Variants in KIAA1328 observed in about 807,000 individuals in gnomAD.
KIAA1328 encodes the protein KIAA1328.
A neutral mutation model predicts 68.1 loss-of-function variants in KIAA1328; 52 were observed. That is an observed-to-expected ratio of 0.76 (90% CI 0.61 to 0.96). The LOEUF (loss-of-function observed/expected upper bound fraction) is 0.96, where lower values mean the gene tolerates loss of function less well. Ranked by LOEUF, KIAA1328 falls within the 40% of genes least tolerant of loss-of-function variation. The pLI is 0.00. For synonymous variants in KIAA1328, 232 were observed against 239.4 expected (o/e 0.97, Z 0.28); for missense variants, 641 against 677.6 (o/e 0.95, Z 0.60).
intron 4 of KIAA1328, among the ~76,000 whole-genome samples, chr18:36,872,750 C>T (rs1215200566): frequency 6.6e-6 from 1 of 152,140 alleles, no homozygotes; most frequent in Non-Finnish European, 1.5e-5. Context: ...ACAACAGACA[C>T]CGGTGCAGTT....
intron 5 of KIAA1328, among the ~76,000 whole-genome samples, chr18:36,927,803 G>C (rs1016563461): frequency 6.6e-6 from 1 of 150,854 alleles, no homozygotes; most frequent in African/African-American, 2.4e-5. Context: ...GTGGAAGGAA[G>C]AGAGAGAGAG....
At chr18:37,190,514 C>T (rs551982653) in intron 9 of KIAA1328, among the ~76,000 whole-genome samples, 6 of 152,190 alleles carry the variant, frequency 3.9e-5, no homozygotes, top group South Asian at 2.1e-4. Flanking sequence ...GAGGATGCTG[C>T]GCGAGTTTTC....
rs80223902 is a variant in KIAA1328, at chr18:36,963,877, G to A, written c.576+4442G>A. On this transcript the variant is annotated intron_variant, in intron 6 of 9. Coordinates refer to ENST00000280020, the MANE Select transcript of KIAA1328 (RefSeq NM_020776.3). ...TTTGTACACTCAGAGCCTAACATAG[G>A]TCTTGGCTTAAGAAATATTTCTTTT... Among the ~76,000 whole-genome samples, 10 of 152,238 alleles carry A rather than the reference G, an allele frequency of 6.6e-5. No individual in the cohort carries two copies. The East Asian group carries it at 1.9e-3, about 29-fold the overall frequency.
intron 7 of KIAA1328, among the ~76,000 whole-genome samples, chr18:37,122,736 G>T (rs1415821426): frequency 1.3e-5 from 2 of 151,854 alleles, no homozygotes; most frequent in Admixed American, 6.6e-5. Flanking sequence ...AGGTGAGATG[G>T]TCTGCTTACT....
At chr18:36,896,605 C>T (rs143692933) in intron 5 of KIAA1328, among the ~76,000 whole-genome samples, 20 of 152,226 alleles carry the variant, frequency 1.3e-4, no homozygotes, top group African/African-American at 4.1e-4. Flanking sequence ...TTATTTGCTG[C>T]ATCTTTGTTT....
intron 7 of KIAA1328, among the ~76,000 whole-genome samples, chr18:37,149,776 G>C (rs1021298099): frequency 6.6e-6 from 1 of 151,978 alleles, no homozygotes; most frequent in Non-Finnish European, 1.5e-5. Flanking sequence ...CTACTCTTTG[G>C]TAAGTCATGC....
intron 6 of KIAA1328, among the ~76,000 whole-genome samples, chr18:36,977,310 G>T (rs777204814): frequency 3.9e-5 from 6 of 152,186 alleles, no homozygotes; most frequent in Non-Finnish European, 7.3e-5. Flanking sequence ...AGTTCTTCCA[G>T]ACTGAGTCAG....
chr18:37,118,779 T>C (rs1366022091), intron 7 of KIAA1328, among the ~76,000 whole-genome samples: 2 of 152,186 alleles, frequency 1.3e-5, no homozygotes, highest in Non-Finnish European at 2.9e-5. Flanking sequence ...GCAGGTCAGC[T>C]GGGGAAATGG....
chr18:37,096,947 T>A (rs1218150308), intron 7 of KIAA1328, among the ~76,000 whole-genome samples: 2 of 152,232 alleles, frequency 1.3e-5, no homozygotes, highest in African/African-American at 2.4e-5. Context: ...TAAATTAGTT[T>A]GAGTTCATTG....
At chr18:36,948,829 G>T (rs1383895951) in intron 5 of KIAA1328, among the ~76,000 whole-genome samples, 1 of 152,218 alleles carries the variant, frequency 6.6e-6, no homozygotes, top group Non-Finnish European at 1.5e-5. Flanking sequence ...GATTACAGGC[G>T]TAAGCCACTG....
chr18:36,842,468 A>G (rs998928399), intron 3 of KIAA1328, among the ~76,000 whole-genome samples: 2 of 151,992 alleles, frequency 1.3e-5, no homozygotes, highest in African/African-American at 4.8e-5. Context: ...GGCGAAGGAG[A>G]AATGGTGTTT....
In KIAA1328 at chr18:37,224,425, TCAAC is replaced by T; in HGVS notation, c.*2202_*2205del. 4 of 985,402 alleles carry T rather than the reference TCAAC, an allele frequency of 4.1e-6. No homozygotes were observed. Among genetic ancestry groups the T allele is most frequent in the Non-Finnish European group, 4.8e-6 (4 of 829,926 alleles). 61.0% of individuals were successfully genotyped at this position (985,402 alleles called of 1,614,324 possible). ...GCAGAGATGGGCTTTCAGCAGAATA[TCAAC>T]CAATACATTTTTCACATGCAAAACT... On this transcript the variant is annotated 3_prime_UTR_variant, in exon 10 of 10. Coordinates refer to ENST00000280020, the MANE Select transcript of KIAA1328 (RefSeq NM_020776.3).
intron 5 of KIAA1328, among the ~76,000 whole-genome samples, chr18:36,958,285 A>G (rs1164341964): frequency 1.3e-5 from 2 of 152,164 alleles, no homozygotes; most frequent in African/African-American, 2.4e-5. Context: ...GTGTGTACAT[A>G]TGTTTTTTAA....
chr18:37,156,303 G>A (rs577677970), intron 7 of KIAA1328, among the ~76,000 whole-genome samples: 4 of 151,926 alleles, frequency 2.6e-5, no homozygotes, highest in Non-Finnish European at 5.9e-5. Flanking sequence ...TTGCATGCCT[G>A]TAATCCCAGC....
At chr18:37,121,464 A>G (rs1315333645) in intron 7 of KIAA1328, among the ~76,000 whole-genome samples, 1 of 151,650 alleles carries the variant, frequency 6.6e-6, no homozygotes, top group African/African-American at 2.4e-5. Flanking sequence ...CTATCTATGC[A>G]TCTATCGATC....
At chr18:36,919,328 C>A (rs1173881023) in intron 5 of KIAA1328, among the ~76,000 whole-genome samples, 3 of 152,126 alleles carry the variant, frequency 2.0e-5, no homozygotes, top group Non-Finnish European at 4.4e-5. Context: ...CTCTTATAGA[C>A]AGCATATAGT....
chr18:36,847,594 C>A (rs892484264), intron 4 of KIAA1328, among the ~76,000 whole-genome samples: 10 of 151,412 alleles, frequency 6.6e-5, no homozygotes, highest in African/African-American at 2.4e-4. Flanking sequence ...CCTTTTTTTA[C>A]CCATCACATT....
At chr18:37,077,604 T>A (rs1402681279) in intron 7 of KIAA1328, among the ~76,000 whole-genome samples, 1 of 151,894 alleles carries the variant, frequency 6.6e-6, no homozygotes, top group African/African-American at 2.4e-5. Flanking sequence ...GCCCAAAATC[T>A]CCTTAAGCTG....
chr18:37,061,044 G>A (rs2056127460), intron 6 of KIAA1328, among the ~76,000 whole-genome samples: 1 of 152,188 alleles, frequency 6.6e-6, no homozygotes, highest in South Asian at 2.1e-4. Context: ...GAACCCAGGA[G>A]GCAGAGGTTG....
Sources: allele counts gnomAD v4.1 joint callset (sites outside exome capture counted in the v4.1 genomes callset), GRCh38; gene constraint gnomAD v4.1.1; transcripts MANE v1.5; gene names NCBI Gene and HGNC (gene_info 2026-07-23, HGNC 2026-07-21).